ADAMTSL1: variants seen among roughly 807,000 people sequenced by gnomAD.
ADAMTSL1 encodes ADAMTS like 1, also known as ADAMTS-like protein 1.
ADAMTSL1 carries 126 observed loss-of-function variants against 201.8 expected under a neutral mutation model. That is an observed-to-expected ratio of 0.62 (90% CI 0.54 to 0.72). The LOEUF is 0.72. Ranked by LOEUF, ADAMTSL1 falls within the 30% of genes least tolerant of loss-of-function variation. ADAMTSL1 has a pLI of 0.00. For missense variants in ADAMTSL1, 2,679 were observed against 2,277.8 expected, an observed-to-expected ratio of 1.18 and a Z score of -3.59; for synonymous variants, 1,121 against 903.4, an observed-to-expected ratio of 1.24 and a Z score of -4.32.
intron 4 of ADAMTSL1, among the ~76,000 whole-genome samples, chr9:18,576,088 A>T (rs10756979): frequency 1.3e-5 from 2 of 151,578 alleles, no homozygotes; most frequent in Non-Finnish European, 2.9e-5. Flanking sequence ...TTTAACTTAT[A>T]TTCTTATGAG....
chr9:18,717,782 C>G (rs1385160443), intron 14 of ADAMTSL1, among the ~76,000 whole-genome samples: 1 of 152,188 alleles, frequency 6.6e-6, no homozygotes, highest in African/African-American at 2.4e-5. Context: ...AAGTAAAAAT[C>G]TCTCTTGTGA....
At chr9:18,825,024 A>G (rs1214413376) in intron 21 of ADAMTSL1, among the ~76,000 whole-genome samples, 1 of 152,066 alleles carries the variant, frequency 6.6e-6, no homozygotes, top group Non-Finnish European at 1.5e-5. Flanking sequence ...CATGCCCTGG[A>G]TACATGCCAG....
intron 7 of ADAMTSL1, among the ~76,000 whole-genome samples, chr9:18,653,804 G>A (rs533039707): frequency 9.3e-4 from 142 of 152,298 alleles, no homozygotes; most frequent in African/African-American, 3.3e-3. Context: ...ATTTCCAACT[G>A]TTAAAATTAT....
chr9:18,724,122 T>C (rs1174389189), intron 15 of ADAMTSL1, among the ~76,000 whole-genome samples: 16 of 152,202 alleles, frequency 1.1e-4, no homozygotes, highest in African/African-American at 3.6e-4. Context: ...AAAAATACCA[T>C]AGCATTTTCA....
intron 1 of ADAMTSL1, among the ~76,000 whole-genome samples, chr9:18,085,769 G>A (rs1823741456): frequency 6.7e-6 from 1 of 149,760 alleles, no homozygotes; most frequent in East Asian, 2.0e-4. Context: ...ATGTGTGTGT[G>A]TATATATATA....
At chr9:18,524,116 C>A (rs557346969) in intron 2 of ADAMTSL1, among the ~76,000 whole-genome samples, 113 of 149,984 alleles carry the variant, frequency 7.5e-4, no homozygotes, top group African/African-American at 2.6e-3. Context: ...CTTTTATTTC[C>A]TCGAGCAGTG....
intron 2 of ADAMTSL1, among the ~76,000 whole-genome samples, chr9:18,453,713 G>T (rs75718224): frequency 0.018 from 2,672 of 152,170 alleles, 66 homozygotes; most frequent in African/African-American, 0.054. Flanking sequence ...CCTACAGGAT[G>T]GAAATAATTT....
intron 23 of ADAMTSL1, among the ~76,000 whole-genome samples, chr9:18,872,173 CAGAT>C (rs1465030477): frequency 6.6e-6 from 1 of 151,230 alleles, no homozygotes; most frequent in Non-Finnish European, 1.5e-5. Context: ...TTTTTTTTAA[CAGAT>C]AGAATATAAT....
intron 2 of ADAMTSL1, among the ~76,000 whole-genome samples, chr9:18,347,747 C>G (rs531826688): frequency 5.9e-5 from 9 of 152,254 alleles, no homozygotes; most frequent in Non-Finnish European, 1.3e-4. Flanking sequence ...ACTGAGGCTA[C>G]TGACTGGTGA....
At chr9:18,730,036 T>G (rs568010996) in intron 15 of ADAMTSL1, among the ~76,000 whole-genome samples, 1 of 152,310 alleles carries the variant, frequency 6.6e-6, no homozygotes, top group South Asian at 2.1e-4. Flanking sequence ...TAAATCTTTT[T>G]TTTTTCTAAG....
At chr9:18,736,175 G>A (rs1818491088) in intron 15 of ADAMTSL1, among the ~76,000 whole-genome samples, 1 of 149,892 alleles carries the variant, frequency 6.7e-6, no homozygotes. Context: ...ATGAAGTAGA[G>A]GCTGCTTTGG....
At chr9:18,014,390 C>T (rs1290946897) in intron 1 of ADAMTSL1, among the ~76,000 whole-genome samples, 1 of 151,964 alleles carries the variant, frequency 6.6e-6, no homozygotes, top group Non-Finnish European at 1.5e-5. Flanking sequence ...GAAAATGTAA[C>T]CATAACACTG....
intron 1 of ADAMTSL1, among the ~76,000 whole-genome samples, chr9:18,050,706 T>C (rs749925784): frequency 6.6e-6 from 1 of 152,172 alleles, no homozygotes; most frequent in Non-Finnish European, 1.5e-5. Flanking sequence ...GATGTGTCAC[T>C]CCTTTTGAGA....
intron 23 of ADAMTSL1, among the ~76,000 whole-genome samples, chr9:18,875,988 T>C (rs1028597925): frequency 1.3e-4 from 20 of 152,174 alleles, no homozygotes; most frequent in African/African-American, 4.8e-4. Flanking sequence ...TTTATCATTA[T>C]ATATGTCTCT....
chr9:18,570,123 C>G (rs1002576090), intron 3 of ADAMTSL1, among the ~76,000 whole-genome samples: 13 of 151,230 alleles, frequency 8.6e-5, no homozygotes, highest in African/African-American at 3.2e-4. Flanking sequence ...CTTAGGGAGG[C>G]AGAGGTGGAA....
chr9:18,302,640 T>C (rs1833751596), intron 2 of ADAMTSL1, among the ~76,000 whole-genome samples: 1 of 152,212 alleles, frequency 6.6e-6, no homozygotes, highest in South Asian at 2.1e-4. Flanking sequence ...AAACCCTTTT[T>C]CTTGCTTAGG....
intron 13 of ADAMTSL1, among the ~76,000 whole-genome samples, chr9:18,698,832 C>T (rs1831736309): frequency 6.6e-6 from 1 of 152,150 alleles, no homozygotes; most frequent in African/African-American, 2.4e-5. Context: ...GTTCTTAGAA[C>T]CTGATACCAA....
intron 13 of ADAMTSL1, among the ~76,000 whole-genome samples, chr9:18,699,320 CT>C (rs34869167): frequency 0.12 from 14,170 of 120,232 alleles, 573 homozygotes; most frequent in Middle Eastern, 0.17. Context: ...GGGTTTTTTA[CT>C]TTTTTTTTTT....
intron 2 of ADAMTSL1, among the ~76,000 whole-genome samples, chr9:18,243,390 CCCA>C (rs1336461473): frequency 6.6e-6 from 1 of 152,008 alleles, no homozygotes; most frequent in Non-Finnish European, 1.5e-5. Context: ...TGCTTCTATC[CCCA>C]CCATCTCTAA....
Sources: allele counts gnomAD v4.1 joint callset (sites outside exome capture counted in the v4.1 genomes callset), GRCh38; gene constraint gnomAD v4.1.1; transcripts MANE v1.5; gene names NCBI Gene and HGNC (gene_info 2026-07-23, HGNC 2026-07-21).